SLC24A1: variants seen among roughly 807,000 people sequenced by gnomAD.
SLC24A1 encodes sodium/potassium/calcium exchanger 1.
A neutral mutation model predicts 88.1 loss-of-function variants in SLC24A1; 52 were observed. The observed-to-expected ratio is 0.59, with a 90% CI of 0.47 to 0.74. The LOEUF is 0.74. Among genes scored for constraint, SLC24A1 ranks in the 30% least tolerant of loss-of-function variants. SLC24A1 has a pLI of 0.00. For missense variants in SLC24A1, 1,173 were observed against 1,363.3 expected (o/e 0.86, Z 2.20); for synonymous variants, 455 against 498.0 (o/e 0.91, Z 1.15).
intron 6 of SLC24A1, 115 bp downstream of exon 6, chr15:65,645,818 GGGTA>G (rs1259799893): frequency 1.5e-6 from 1 of 678,110 alleles, no homozygotes; most frequent in Non-Finnish European, 2.6e-6. Flanking sequence ...ATTCCTCTGG[GGGTA>G]AATATTACCC....
In SLC24A1 at chr15:65,655,119, G is replaced by A. The variant is rs2075636897; in HGVS notation, c.*1040G>A. 4 of 1,002,984 alleles carry A rather than the reference G, an allele frequency of 4.0e-6. No individual in the cohort carries two copies. Among genetic ancestry groups the A allele is most frequent in the Non-Finnish European group, 4.8e-6 (4 of 840,514 alleles). 62.1% of individuals were successfully genotyped at this position (1,002,984 alleles called of 1,614,324 possible). On this transcript the variant is annotated 3_prime_UTR_variant, in exon 10 of 10. Coordinates refer to ENST00000261892, the MANE Select transcript of SLC24A1 (RefSeq NM_004727.3). ...TGTTGTCTCCATCAGTGGTCACCTT[G>A]AGGGATTAGACATTCTAATGGAATG...
chr15:65,621,658 G>A (rs2074322027), upstream of SLC24A1, among the ~76,000 whole-genome samples: 2 of 152,128 alleles, frequency 1.3e-5, no homozygotes, highest in South Asian at 2.1e-4. Context: ...TTTTCTCAGA[G>A]CGCCTTCTGA....
In SLC24A1 at chr15:65,624,682, T is replaced by G. The variant is rs559502671; in HGVS notation, c.602T>G (p.Val201Gly). The G allele has an allele frequency of 4.6e-5, 73 of 1,603,344 alleles. No homozygotes were observed. The South Asian group carries it at 7.5e-4, about 16-fold the overall frequency. Residue 201 changes from valine (V) to glycine (G), a missense_variant, in exon 2 of 10, where the codon GTG becomes GGG. Coordinates refer to ENST00000261892, the MANE Select transcript of SLC24A1 (RefSeq NM_004727.3). ...CGTGGTAGAAGAGTAGGCACTTACG[T>G]GCCGTCCACATTCATGACAATGGAA... The part of the protein sequence containing the change: ...SPRGRRVGTY[V>G]PSTFMTMETS...
downstream of SLC24A1, among the ~76,000 whole-genome samples, chr15:65,657,586 G>C (rs1243375057): frequency 6.6e-6 from 1 of 152,234 alleles, no homozygotes; most frequent in Non-Finnish European, 1.5e-5. Context: ...GGAGCCTGCA[G>C]TGAGCCGAGA....
At chr15:65,612,881 A>C (rs2074010550) in intron 2 of SLC24A1, among the ~76,000 whole-genome samples, 1 of 152,164 alleles carries the variant, frequency 6.6e-6, no homozygotes, top group African/African-American at 2.4e-5. Flanking sequence ...GCTTTGGGAG[A>C]CTTGGAAAGC....
chr15:65,641,764 T>C (rs2075138211), intron 4 of SLC24A1, among the ~76,000 whole-genome samples: 2 of 152,168 alleles, frequency 1.3e-5, no homozygotes, highest in South Asian at 4.1e-4. Flanking sequence ...AATCACTGAC[T>C]CTAGCAAAGT....
chr15:65,642,761 T>G, intron 4 of SLC24A1: 2 of 331,252 alleles, frequency 6.0e-6, no homozygotes, highest in Non-Finnish European at 1.2e-5. Flanking sequence ...CAGAGCCAGC[T>G]GCAGCTGAAC....
chr15:65,639,360 G>A (rs1254055339), intron 3 of SLC24A1, among the ~76,000 whole-genome samples: 2 of 152,190 alleles, frequency 1.3e-5, no homozygotes, highest in Non-Finnish European at 2.9e-5. Flanking sequence ...CTGTGGAGAC[G>A]TTGGGAAATT....
chr15:65,624,836 G>A lies in SLC24A1; in HGVS notation c.756G>A (p.Met252Ile), dbSNP rs896122807. 7 of 1,613,870 alleles carry A rather than the reference G, an allele frequency of 4.3e-6. No homozygotes were observed. The highest frequency in any genetic ancestry group is 5.9e-6 in the Non-Finnish European group (7 of 1,179,872). Residue 252 changes from methionine to isoleucine, a missense_variant, in exon 2 of 10, where the codon ATG (methionine) becomes ATA (isoleucine). By Grantham distance (10) the Met-to-Ile change is conservative (BLOSUM62 1). Transcript: ENST00000261892. Reference protein sequence around the residue: ...EETTPTTLKGMFDSTPTFLTH... With the variant: ...EETTPTTLKGIFDSTPTFLTH... ...CCACCCCAACCACTCTCAAGGGAAT[G>A]TTTGATAGCACCCCAACTTTTCTGA...
chr15:65,629,243 C>G (rs571159204), intron 2 of SLC24A1, among the ~76,000 whole-genome samples: 1 of 152,066 alleles, frequency 6.6e-6, no homozygotes, highest in South Asian at 2.1e-4. Flanking sequence ...TTCACTTTAC[C>G]GTTTATTCTG....
intron 2 of SLC24A1, among the ~76,000 whole-genome samples, chr15:65,616,415 G>A (rs62013116): frequency 0.062 from 9,502 of 152,098 alleles, 313 homozygotes; most frequent in African/African-American, 0.091. Flanking sequence ...TTTAATGATC[G>A]CCATTCTAAC....
chr15:65,614,195 C>T (rs977758570), intron 2 of SLC24A1, among the ~76,000 whole-genome samples: 1 of 152,178 alleles, frequency 6.6e-6, no homozygotes, highest in Non-Finnish European at 1.5e-5. Context: ...ATCCTCATCT[C>T]GTTTCATGTA....
intron 7 of SLC24A1, among the ~76,000 whole-genome samples, chr15:65,651,438 C>T (rs1056899611): frequency 1.3e-5 from 2 of 152,192 alleles, no homozygotes; most frequent in Non-Finnish European, 2.9e-5. Flanking sequence ...CATCTGGTGA[C>T]TGCTGTCCAC....
chr15:65,621,758 C>A (rs1270678097), upstream of SLC24A1, among the ~76,000 whole-genome samples: 1 of 152,222 alleles, frequency 6.6e-6, no homozygotes, highest in African/African-American at 2.4e-5. Context: ...GAAATCTCCC[C>A]AGTTCCTCCA....
chr15:65,639,344 T>C (rs1010204752), intron 3 of SLC24A1, among the ~76,000 whole-genome samples: 3 of 152,226 alleles, frequency 2.0e-5, no homozygotes, highest in African/African-American at 7.2e-5. Context: ...TACACCAGGT[T>C]GCTCCCTGTG....
At chr15:65,617,073 G>T (rs62013117), upstream of SLC24A1, among the ~76,000 whole-genome samples, 9,493 of 152,060 alleles carry the variant, frequency 0.062, 315 homozygotes, top group African/African-American at 0.091. Context: ...GTTCTGTTCC[G>T]TTGGTCTATA....
downstream of SLC24A1, chr15:65,660,035 C>T: frequency 2.4e-6 from 1 of 420,280 alleles, no homozygotes; most frequent in Non-Finnish European, 4.3e-6. Context: ...ATGTTTATCA[C>T]CAGTGCCAAA....
rs548862563 is a variant in SLC24A1, at chr15:65,624,932, C to G, written c.852C>G (p.Pro284=). The G allele has an allele frequency of 1.2e-6, 2 of 1,612,476 alleles. No homozygotes were observed. The highest frequency in any genetic ancestry group is 8.5e-7 in the Non-Finnish European group (1 of 1,179,332). The change falls in exon 2 of 10, where the codon CCC becomes CCG. Residue 284 remains proline (P), a synonymous_variant. Coordinates refer to ENST00000261892, the MANE Select transcript of SLC24A1 (RefSeq NM_004727.3). ...SVMEKNNLFP[P]RRVESNSSAH... Reference sequence around the variant, plus strand: ...TGGAAAAAAACAACCTGTTTCCCCCCAGAAGAGTGGAAAGTAACAGCTCAG... The same window carrying G: ...TGGAAAAAAACAACCTGTTTCCCCCGAGAAGAGTGGAAAGTAACAGCTCAG...
intron 4 of SLC24A1, chr15:65,642,957 A>G: frequency 1.6e-6 from 2 of 1,278,842 alleles, no homozygotes; most frequent in Non-Finnish European, 2.0e-6. Context: ...GTTCCTTCTA[A>G]CTCGGACCCT....
Sources: allele counts gnomAD v4.1 joint callset (sites outside exome capture counted in the v4.1 genomes callset), GRCh38; gene constraint gnomAD v4.1.1; transcripts MANE v1.5; gene names NCBI Gene and HGNC (gene_info 2026-07-23, HGNC 2026-07-21).